ILDR1: variants seen among roughly 807,000 people sequenced by gnomAD.
ILDR1 encodes immunoglobulin like domain containing receptor 1, also known as immunoglobulin-like domain-containing receptor 1.
In ILDR1, 56 loss-of-function variants were observed where a neutral mutation model predicts 62.4. The ratio of observed to expected loss-of-function variants is 0.90; its 90% CI spans 0.72 to 1.12. The LOEUF (loss-of-function observed/expected upper bound fraction) is 1.12, where lower values mean the gene tolerates loss of function less well. ILDR1 is among the 50% of genes most tolerant of loss of function. ILDR1 has a pLI of 0.00. For missense variants in ILDR1, 736 were observed against 710.6 expected, an observed-to-expected ratio of 1.04 and a Z score of -0.41; for synonymous variants, 284 against 277.8, an observed-to-expected ratio of 1.02 and a Z score of -0.22.
At chr3:121,988,616 G>T (rs1402876037) in intron 7 of ILDR1, among the ~76,000 whole-genome samples, 2 of 152,124 alleles carry the variant, frequency 1.3e-5, no homozygotes, top group Non-Finnish European at 2.9e-5. Flanking sequence ...CCTCTCTAGA[G>T]ACTCCCTCAA....
At chr3:122,013,371 G>A (rs2071731328) in intron 1 of ILDR1, among the ~76,000 whole-genome samples, 1 of 152,134 alleles carries the variant, frequency 6.6e-6, no homozygotes. Flanking sequence ...GCTTGGAAGG[G>A]ATGGTAGGCA....
upstream of ILDR1, among the ~76,000 whole-genome samples, chr3:122,023,932 A>C (rs1461477973): frequency 6.6e-6 from 1 of 151,972 alleles, no homozygotes; most frequent in East Asian, 1.9e-4. Flanking sequence ...AGGGATTTGC[A>C]TAGTTTCCGG....
In ILDR1 at chr3:121,993,713, T is replaced by G. The variant is rs1337075019; in HGVS notation, c.1036A>C (p.Ser346Arg). Reference protein sequence around the residue: ...IRDLSSSRRTSDSLHQQWLTP... With the variant: ...IRDLSSSRRTRDSLHQQWLTP... ...AGCCACTGCTGGTGCAGGGAGTCAC[T>G]GGTCCTCCTTGAGGATGACAGGTCT... The change falls in exon 7 of 8, where the codon AGT (serine) becomes CGT (arginine). Residue 346 changes from serine to arginine, a missense_variant. Coordinates refer to ENST00000344209, the MANE Select transcript of ILDR1 (RefSeq NM_001199799.2). The G allele has an allele frequency of 6.2e-7, 1 of 1,614,012 alleles. No homozygotes were observed. Among genetic ancestry groups the G allele is most frequent in the East Asian group, 2.2e-5 (1 of 44,894 alleles).
At chr3:122,055,506 G>A in the ILDR1 span, 140 of 1,613,772 alleles carry the variant, frequency 8.7e-5, no homozygotes, top group Non-Finnish European at 9.6e-5. Flanking sequence ...CCCCAGTGGT[G>A]AGTAATAATT....
chr3:122,041,622 CT>C, the ILDR1 span, among the ~76,000 whole-genome samples: 1 of 151,858 alleles, frequency 6.6e-6, no homozygotes, highest in African/African-American at 2.4e-5. Context: ...GGTCTTTTAC[CT>C]TTTTGTTTAA....
chr3:122,005,523 G>T (rs1229244335), intron 2 of ILDR1, 130 bp from the exon 3 acceptor site: 3 of 913,906 alleles, frequency 3.3e-6, no homozygotes, highest in East Asian at 5.1e-5. Context: ...CATCCCTTGG[G>T]ACTCTTGTTA....
In ILDR1 at chr3:122,005,290, G is replaced by C. The variant is rs552394826; in HGVS notation, c.333C>G (p.Pro111=). 17 of 1,514,882 alleles carry C rather than the reference G, an allele frequency of 1.1e-5. No individual in the cohort carries two copies. The South Asian group carries it at 1.6e-4, about 14-fold the overall frequency. The allele number at this position is 1,514,882 out of a possible 1,614,324, so 93.8% of individuals were successfully genotyped here. Residue 111 remains proline (P), a synonymous_variant, in exon 3 of 8, where the codon CCC becomes CCG. Transcript: ENST00000344209. ...IVAQRRGQNE[P]VLGVDYRQRK... ...GCTGCCGGTAATCTACCCCCAGCAC[G>C]GGCTCATTCTGCCCCCGCCGCTGGG...
the ILDR1 span, among the ~76,000 whole-genome samples, chr3:122,041,757 G>A: frequency 1.3e-5 from 2 of 151,296 alleles, no homozygotes; most frequent in South Asian, 2.1e-4. Flanking sequence ...TGTTGATTTC[G>A]TATCTTGCAA....
chr3:122,023,040 T>C (rs2071887817), upstream of ILDR1, among the ~76,000 whole-genome samples: 4 of 150,532 alleles, frequency 2.7e-5, no homozygotes, highest in South Asian at 8.3e-4. Context: ...TATAGAAAAA[T>C]AAAAAGTTAT....
chr3:122,048,563 CT>C, the ILDR1 span, among the ~76,000 whole-genome samples: 1 of 152,136 alleles, frequency 6.6e-6, no homozygotes, highest in South Asian at 2.1e-4. Context: ...TTGAGCTTTT[CT>C]TTAATGGGAA....
chr3:121,990,630 G>C (rs772392626), intron 7 of ILDR1, among the ~76,000 whole-genome samples: 3 of 152,070 alleles, frequency 2.0e-5, no homozygotes, highest in Non-Finnish European at 4.4e-5. Flanking sequence ...GTCGCATTCT[G>C]TGCTCAGGCT....
At chr3:122,017,601 C>G (rs896288918) in intron 1 of ILDR1, among the ~76,000 whole-genome samples, 3 of 152,176 alleles carry the variant, frequency 2.0e-5, no homozygotes, top group African/African-American at 2.4e-5. Context: ...TCAGAGTGAA[C>G]AGGCAGCCTA....
chr3:122,013,992 A>C (rs1334905154), intron 1 of ILDR1, among the ~76,000 whole-genome samples: 2 of 152,234 alleles, frequency 1.3e-5, no homozygotes, highest in Non-Finnish European at 2.9e-5. Context: ...AAATTCTGAG[A>C]GATTAAGTAA....
chr3:122,030,626 TC>T, the ILDR1 span, among the ~76,000 whole-genome samples: 7 of 147,022 alleles, frequency 4.8e-5, no homozygotes, highest in African/African-American at 1.0e-4. Context: ...AGGGTTTTTC[TC>T]TCTCTCTCTC....
the ILDR1 span, among the ~76,000 whole-genome samples, chr3:122,053,750 G>A: frequency 6.6e-6 from 1 of 152,146 alleles, no homozygotes; most frequent in African/African-American, 2.4e-5. Flanking sequence ...GATAACAGGA[G>A]AAAATGCTTA....
At chr3:122,037,089 G>A in the ILDR1 span, among the ~76,000 whole-genome samples, 1 of 152,258 alleles carries the variant, frequency 6.6e-6, no homozygotes, top group African/African-American at 2.4e-5. Context: ...TGGATGTTCA[G>A]GCAGAAGTCT....
At chr3:122,037,867 A>G in the ILDR1 span, among the ~76,000 whole-genome samples, 1 of 152,040 alleles carries the variant, frequency 6.6e-6, no homozygotes, top group Admixed American at 6.6e-5. Flanking sequence ...TGTTGTTCTC[A>G]TGATATTGAA....
chr3:122,028,629 A>T, the ILDR1 span, among the ~76,000 whole-genome samples: 1 of 152,254 alleles, frequency 6.6e-6, no homozygotes, highest in South Asian at 2.1e-4. Context: ...GCAGATAAAC[A>T]TGTAATTCAC....
intron 1 of ILDR1, among the ~76,000 whole-genome samples, chr3:122,019,898 G>T (rs532324364): frequency 5.3e-5 from 8 of 152,198 alleles, no homozygotes; most frequent in Non-Finnish European, 8.8e-5. Flanking sequence ...CAGTTGCAGC[G>T]TGTCATTGAC....
Sources: allele counts gnomAD v4.1 joint callset (sites outside exome capture counted in the v4.1 genomes callset), GRCh38; gene constraint gnomAD v4.1.1; transcripts MANE v1.5; gene names NCBI Gene and HGNC (gene_info 2026-07-23, HGNC 2026-07-21).